MLLT3: variants seen among roughly 807,000 people sequenced by gnomAD.
MLLT3 encodes MLLT3 super elongation complex subunit.
Under a neutral mutation model 53.2 loss-of-function variants are expected in MLLT3, and 4 were observed. That is an observed-to-expected ratio of 0.08 (90% confidence interval 0.04 to 0.17). The LOEUF is 0.17. Among genes scored for constraint, MLLT3 ranks in the 10% least tolerant of loss-of-function variants. MLLT3 has a pLI of 1.00. For synonymous variants in MLLT3, 283 were observed against 230.6 expected (o/e 1.23, Z -2.06); for missense variants, 569 against 684.0 (o/e 0.83, Z 1.87).
rs1178016903 is a variant in MLLT3, at chr9:20,508,847, T to C, written c.194-52061A>G. Among the ~76,000 whole-genome samples, 3 of 152,230 alleles carry C rather than the reference T, an allele frequency of 2.0e-5. No homozygotes were observed. The South Asian group carries it at 6.2e-4, about 31-fold the overall frequency. On this transcript the variant is annotated intron_variant, in intron 2 of 10. Coordinates refer to ENST00000380338, the MANE Select transcript of MLLT3 (RefSeq NM_004529.4). ...AATACTGAAAAACATTTCCATTTTATGGTATCACTAATTCATATGGCTGTC... is the reference window on the plus strand; with the variant it reads ...AATACTGAAAAACATTTCCATTTTACGGTATCACTAATTCATATGGCTGTC...
chr9:20,591,180 T>C (rs994189330), intron 2 of MLLT3, among the ~76,000 whole-genome samples: 6 of 152,220 alleles, frequency 3.9e-5, no homozygotes, highest in Admixed American at 3.9e-4. Context: ...TTTATTGTTC[T>C]CTCCAATTTA....
At chr9:20,447,199 T>C (rs1823727616) in intron 4 of MLLT3, among the ~76,000 whole-genome samples, 1 of 152,132 alleles carries the variant, frequency 6.6e-6, no homozygotes, top group Non-Finnish European at 1.5e-5. Flanking sequence ...ACCACCTGCT[T>C]CCTACAAAGC....
chr9:20,535,108 G>T (rs1025103185), intron 2 of MLLT3, among the ~76,000 whole-genome samples: 1 of 152,154 alleles, frequency 6.6e-6, no homozygotes, highest in Non-Finnish European at 1.5e-5. Flanking sequence ...CCACACGGCA[G>T]GTCAGCGGCA....
At chr9:20,437,492 G>A (rs1003663169) in intron 4 of MLLT3, among the ~76,000 whole-genome samples, 3 of 152,112 alleles carry the variant, frequency 2.0e-5, no homozygotes, top group African/African-American at 7.2e-5. Flanking sequence ...GTATAGAGAA[G>A]TAAAGAAGCT....
chr9:20,364,803 C>A (rs973480369), intron 6 of MLLT3, among the ~76,000 whole-genome samples: 7 of 152,102 alleles, frequency 4.6e-5, no homozygotes, highest in Non-Finnish European at 7.3e-5. Flanking sequence ...CAATACTATG[C>A]TAAAACACAA....
chr9:20,606,172 G>C (rs1820560898), intron 2 of MLLT3, among the ~76,000 whole-genome samples: 1 of 152,096 alleles, frequency 6.6e-6, no homozygotes, highest in African/African-American at 2.4e-5. Context: ...TACACTTAGT[G>C]GGTCTTGGAG....
intron 5 of MLLT3, among the ~76,000 whole-genome samples, chr9:20,392,465 ATCC>A (rs1258288376): frequency 4.6e-5 from 7 of 152,048 alleles, no homozygotes; most frequent in South Asian, 2.1e-4. Flanking sequence ...AATCCCCAAG[ATCC>A]TCCTCATCTC....
chr9:20,539,433 T>A (rs999187511), intron 2 of MLLT3, among the ~76,000 whole-genome samples: 1 of 152,172 alleles, frequency 6.6e-6, no homozygotes, highest in Non-Finnish European at 1.5e-5. Context: ...GACTCACAGT[T>A]CCATATGGCA....
rs757714698 is a variant in MLLT3, at chr9:20,344,731, A to C, written c.*1712T>G. Reference sequence around the variant, plus strand: ...AAACAGTGTAAAAAATCCCCTTTTTAAAATGCAGAAATAACTCCATTATCA... The same window carrying C: ...AAACAGTGTAAAAAATCCCCTTTTTCAAATGCAGAAATAACTCCATTATCA... On this transcript the variant is annotated 3_prime_UTR_variant, in exon 11 of 11. Transcript: ENST00000380338. The C allele has an allele frequency of 1.0e-3, 214 of 206,124 alleles. 1 individual carries two copies. Among genetic ancestry groups the C allele is most frequent in the Non-Finnish European group, 1.7e-3 (175 of 100,788 alleles). The allele number at this position is 206,124 out of a possible 1,614,324, so 12.8% of individuals were successfully genotyped here.
intron 5 of MLLT3, among the ~76,000 whole-genome samples, chr9:20,373,942 T>TA (rs60434351): frequency 0.16 from 23,474 of 146,746 alleles, 3,806 homozygotes; most frequent in African/African-American, 0.39. Flanking sequence ...CTTCTTTCAT[T>TA]AAAAAAAAAA....
At chr9:20,538,587 G>A (rs1264947840) in intron 2 of MLLT3, among the ~76,000 whole-genome samples, 1 of 152,120 alleles carries the variant, frequency 6.6e-6, no homozygotes, top group Non-Finnish European at 1.5e-5. Flanking sequence ...CTCCAAACAT[G>A]CTTGAGATAA....
At chr9:20,473,624 A>ATAT (rs1824450065) in intron 2 of MLLT3, among the ~76,000 whole-genome samples, 1 of 152,130 alleles carries the variant, frequency 6.6e-6, no homozygotes, top group Admixed American at 6.6e-5. Context: ...ACTGGGTCCA[A>ATAT]TATTCAAGCT....
intron 2 of MLLT3, among the ~76,000 whole-genome samples, chr9:20,561,723 C>G (rs1246064279): frequency 6.6e-6 from 1 of 152,136 alleles, no homozygotes; most frequent in Admixed American, 6.6e-5. Flanking sequence ...AAGTACAGAA[C>G]TGAAGTTTAC....
In MLLT3 at chr9:20,458,403, C is replaced by G. The variant is rs566954391; in HGVS notation, c.194-1617G>C. On this transcript the variant is annotated intron_variant, in intron 2 of 10. Transcript: ENST00000380338. Reference sequence around the variant, plus strand: ...GATCCTCCTCAGACTAGGCGAGCTACCTCTGCAAAATTATTTCATCTTAGA... The same window carrying G: ...GATCCTCCTCAGACTAGGCGAGCTAGCTCTGCAAAATTATTTCATCTTAGA... Among the ~76,000 whole-genome samples the G allele has an allele frequency of 2.0e-5, 3 of 152,292 alleles. No homozygotes were observed. The East Asian group carries it at 5.8e-4, about 29-fold the overall frequency.
At chr9:20,588,613 G>T (rs1820042356) in intron 2 of MLLT3, among the ~76,000 whole-genome samples, 1 of 152,140 alleles carries the variant, frequency 6.6e-6, no homozygotes. Context: ...AATTGTGAAT[G>T]GGAGTTCACT....
In MLLT3 at chr9:20,344,628, G is replaced by T. The variant is rs564397594; in HGVS notation, c.*1815C>A. The T allele has an allele frequency of 4.8e-6, 1 of 209,076 alleles. No individual in the cohort carries two copies. Among genetic ancestry groups the T allele is most frequent in the East Asian group, 7.2e-5 (1 of 13,960 alleles). 13.0% of individuals were successfully genotyped at this position (209,076 alleles called of 1,614,324 possible). On this transcript the variant is annotated 3_prime_UTR_variant, in exon 11 of 11. Coordinates refer to ENST00000380338, the MANE Select transcript of MLLT3 (RefSeq NM_004529.4). ...AAGTACACTTGTCCTCTGGGAGGACGCTTCAGAGAAATAATTTACAAGGAG... is the reference window on the plus strand; with the variant it reads ...AAGTACACTTGTCCTCTGGGAGGACTCTTCAGAGAAATAATTTACAAGGAG...
intron 2 of MLLT3, among the ~76,000 whole-genome samples, chr9:20,515,854 C>T (rs1817899123): frequency 1.3e-5 from 2 of 152,210 alleles, no homozygotes; most frequent in Middle Eastern, 3.4e-3. Context: ...AAGCACAGAC[C>T]GCCTGATGTA....
chr9:20,503,168 AT>A (rs1008669520), intron 2 of MLLT3, among the ~76,000 whole-genome samples: 68 of 152,154 alleles, frequency 4.5e-4, no homozygotes, highest in Admixed American at 3.8e-3. Context: ...TTTCAATGAC[AT>A]TTTTTACAGA....
intron 2 of MLLT3, among the ~76,000 whole-genome samples, chr9:20,488,694 T>G (rs1286921344): frequency 2.0e-5 from 3 of 152,202 alleles, no homozygotes; most frequent in African/African-American, 7.2e-5. Flanking sequence ...TTTGCTCTCC[T>G]GAAATGAAAT....
Sources: allele counts gnomAD v4.1 joint callset (sites outside exome capture counted in the v4.1 genomes callset), GRCh38; gene constraint gnomAD v4.1.1; transcripts MANE v1.5; gene names NCBI Gene and HGNC (gene_info 2026-07-23, HGNC 2026-07-21).